The following ANKRD30A variants were observed in gnomAD, a reference collection of about 807,000 sequenced individuals.
ANKRD30A encodes the protein ankyrin repeat domain 30A.
A neutral mutation model predicts 166.3 loss-of-function variants in ANKRD30A; 170 were observed. The observed-to-expected ratio is 1.02, with a 90% CI of 0.90 to 1.16. The LOEUF is 1.16. Ranked by LOEUF, ANKRD30A falls within the 50% of genes most tolerant of loss-of-function variation. The probability of loss-of-function intolerance (pLI) is 0.00; values close to 1 mark genes in which losing one functional copy is unlikely to be tolerated. For missense variants in ANKRD30A, 1,630 were observed against 1,518.0 expected, an observed-to-expected ratio of 1.07 and a Z score of -1.23; for synonymous variants, 564 against 508.9, an observed-to-expected ratio of 1.11 and a Z score of -1.46.
At position 37,193,247 on chromosome 10, in the gene ANKRD30A, C is replaced by G. The variant is rs1482268757; in HGVS notation, c.2603C>G (p.Thr868Ser). 1 of 1,609,040 alleles carries G rather than the reference C, an allele frequency of 6.2e-7. No individual in the cohort carries two copies. Among genetic ancestry groups the G allele is most frequent in the East Asian group, 2.2e-5 (1 of 44,630 alleles). The change falls in exon 27 of 36, where the codon ACT (threonine) becomes AGT (serine). Residue 868 changes from threonine to serine, a missense_variant. By Grantham distance (58) the Thr-to-Ser change is moderately conservative. Around this residue, in one of 4 missense-constraint regions of ANKRD30A, gnomAD observed 712 missense variants for 629.3 expected, o/e 1.13. Transcript: ENST00000361713. Reference sequence around the variant, plus strand: ...GCCTTAGAATTGATGGACATGCAAACTTTCAAAGCAGGTAAATTTTGTAAT... The same window carrying G: ...GCCTTAGAATTGATGGACATGCAAAGTTTCAAAGCAGGTAAATTTTGTAAT... Reference protein sequence around the residue: ...TKALELMDMQTFKAEPPEKPS... With the variant: ...TKALELMDMQSFKAEPPEKPS...
chr10:37,159,946 A>T (rs1309856743), intron 15 of ANKRD30A, among the ~76,000 whole-genome samples: 1 of 151,950 alleles, frequency 6.6e-6, no homozygotes, highest in East Asian at 1.9e-4. Context: ...TGATCCGCCC[A>T]CCTCGGCCTC....
At chr10:37,234,356 AT>A (rs1843578432), downstream of ANKRD30A, among the ~76,000 whole-genome samples, 1 of 152,208 alleles carries the variant, frequency 6.6e-6, no homozygotes, top group African/African-American at 2.4e-5. Flanking sequence ...TCAAAAATAC[AT>A]CAGTCATTGG....
At chr10:37,192,437 A>T (rs1024343489) in intron 25 of ANKRD30A, among the ~76,000 whole-genome samples, 37 of 152,034 alleles carry the variant, frequency 2.4e-4, no homozygotes, top group African/African-American at 8.9e-4. Flanking sequence ...TATGAATGTG[A>T]AAATACTCGT....
At chr10:37,245,370 A>G in the ANKRD30A span, among the ~76,000 whole-genome samples, 2 of 152,188 alleles carry the variant, frequency 1.3e-5, no homozygotes, top group African/African-American at 4.8e-5. Context: ...CTATATACAC[A>G]TACCATCTGT....
At chr10:37,194,357 T>C (rs1399865384) in intron 27 of ANKRD30A, among the ~76,000 whole-genome samples, 1 of 151,958 alleles carries the variant, frequency 6.6e-6, no homozygotes, top group Non-Finnish European at 1.5e-5. Flanking sequence ...TTTTGTTTTG[T>C]TTTGTTTTTG....
chr10:37,165,533 A>G lies in ANKRD30A; in HGVS notation c.2064+378A>G, dbSNP rs1305345029. 2.0e-5 allele frequency among the ~76,000 whole-genome samples: 3 copies of G among 152,278 alleles called. No homozygotes were observed. The East Asian group carries it at 5.8e-4, about 29-fold the overall frequency. On this transcript the variant is annotated intron_variant, in intron 18 of 35. Transcript: ENST00000361713. The stretch of plus-strand genomic sequence containing the variant: ...GTAGAAAAGTTCTAATTGTATTCAT[A>G]GAGAGACACTTTAAACTGCAATATT...
the ANKRD30A span, among the ~76,000 whole-genome samples, chr10:37,258,856 G>T: frequency 6.6e-6 from 1 of 150,918 alleles, no homozygotes; most frequent in African/African-American, 2.4e-5. Flanking sequence ...CCAGCTACTC[G>T]GGAGGCTGAG....
the ANKRD30A span, among the ~76,000 whole-genome samples, chr10:37,257,179 C>T: frequency 6.6e-6 from 1 of 151,928 alleles, no homozygotes; most frequent in African/African-American, 2.4e-5. Flanking sequence ...AGTTTATTTG[C>T]ATTGAGGTAT....
chr10:37,177,138 CCT>C (rs1212635557), intron 24 of ANKRD30A, among the ~76,000 whole-genome samples: 26 of 142,070 alleles, frequency 1.8e-4, no homozygotes, highest in African/African-American at 3.8e-4. Flanking sequence ...ATTTTAAGCC[CCT>C]GTTTACCGAA....
intron 21 of ANKRD30A, among the ~76,000 whole-genome samples, chr10:37,171,589 C>T (rs1391722961): frequency 2.0e-4 from 31 of 151,612 alleles, no homozygotes; most frequent in Admixed American, 2.6e-4. Context: ...AGATCAGAAG[C>T]TAGAACAAGA....
At chr10:37,204,767 C>A (rs1841878544) in intron 31 of ANKRD30A, among the ~76,000 whole-genome samples, 1 of 152,080 alleles carries the variant, frequency 6.6e-6, no homozygotes, top group African/African-American at 2.4e-5. Context: ...AAATCAAACA[C>A]CCCATGAAAA....
chr10:37,146,462 T>C (rs1270601169), intron 8 of ANKRD30A, among the ~76,000 whole-genome samples: 1 of 151,180 alleles, frequency 6.6e-6, no homozygotes, highest in Non-Finnish European at 1.5e-5. Flanking sequence ...GCAGCGCTCC[T>C]CTGGAGGGGG....
intron 5 of ANKRD30A, among the ~76,000 whole-genome samples, chr10:37,134,260 T>G (rs927160052): frequency 6.6e-6 from 1 of 152,176 alleles, no homozygotes; most frequent in Non-Finnish European, 1.5e-5. Flanking sequence ...TTTTTCTAAT[T>G]AGTTATTTGG....
chr10:37,202,736 G>A (rs530191003), intron 31 of ANKRD30A, among the ~76,000 whole-genome samples: 4 of 152,140 alleles, frequency 2.6e-5, no homozygotes, highest in South Asian at 4.2e-4. Context: ...ATGATAGACT[G>A]CTAGCAAGAC....
Position 37,217,810 on chromosome 10 carries a change from C to G in ANKRD30A, c.3199C>G (p.Gln1067Glu), listed in dbSNP as rs770626672. The G allele has an allele frequency of 6.3e-7, 1 of 1,599,806 alleles. No individual in the cohort carries two copies. Among genetic ancestry groups the G allele is most frequent in the East Asian group, 2.3e-5 (1 of 44,042 alleles). The change falls in exon 33 of 36, where the codon CAA becomes GAA. Residue 1067 changes from glutamine (Q) to glutamate (E), a missense_variant. Physicochemically the swap from Gln to Glu is conservative, Grantham distance 29. Coordinates refer to ENST00000361713, the MANE Select transcript of ANKRD30A (RefSeq NM_052997.3). ...GCATAGGAAAGAGTTAGAAGTGAAA[C>G]AACAACTTGAACAGGCTCTCAGAAT... is the stretch of plus-strand genomic sequence containing the variant. ...EQHRKELEVK[Q>E]QLEQALRIQD... is the part of the protein sequence containing the mutation.
At chr10:37,156,270 A>G (rs1361389789) in intron 13 of ANKRD30A, among the ~76,000 whole-genome samples, 2 of 152,126 alleles carry the variant, frequency 1.3e-5, no homozygotes, top group East Asian at 3.9e-4. Context: ...GTACAGCCAT[A>G]CATTTCAATA....
chr10:37,208,200 A>G (rs1451246947), intron 31 of ANKRD30A, among the ~76,000 whole-genome samples: 3 of 152,102 alleles, frequency 2.0e-5, no homozygotes, highest in African/African-American at 7.2e-5. Context: ...CCTCTTTGCA[A>G]TTCACTAAGA....
chr10:37,240,716 C>G, the ANKRD30A span, among the ~76,000 whole-genome samples: 271 of 152,214 alleles, frequency 1.8e-3, 4 homozygotes, highest in African/African-American at 6.3e-3. Context: ...TGGTATCAAC[C>G]TGCATATCTC....
chr10:37,257,697 A>G, the ANKRD30A span, among the ~76,000 whole-genome samples: 1 of 152,102 alleles, frequency 6.6e-6, no homozygotes, highest in Non-Finnish European at 1.5e-5. Flanking sequence ...ATTTCCATGT[A>G]ATTTTGTGGT....
Sources: allele counts gnomAD v4.1 joint callset (sites outside exome capture counted in the v4.1 genomes callset), GRCh38; gene constraint gnomAD v4.1.1; regional missense constraint gnomAD v4.1.1; transcripts MANE v1.5; gene names NCBI Gene and HGNC (gene_info 2026-07-23, HGNC 2026-07-21).